AGK: variants seen among roughly 807,000 people sequenced by gnomAD.
The protein encoded by AGK is acylglycerol kinase, mitochondrial.
Under a neutral mutation model 66.4 loss-of-function variants are expected in AGK, and 52 were observed. The ratio of observed to expected loss-of-function variants is 0.78; its 90% confidence interval spans 0.63 to 0.99. AGK has a LOEUF of 0.99. Among genes scored for constraint, AGK ranks in the 50% least tolerant of loss-of-function variants. The pLI, the probability that AGK is intolerant of heterozygous loss-of-function variation, is 0.00. For synonymous variants in AGK, 182 were observed against 181.1 expected (o/e 1.00, Z -0.04); for missense variants, 451 against 506.6 (o/e 0.89, Z 1.05).
chr7:141,593,115 A>G, intron 2 of AGK, 31 bp from the exon 3 acceptor site: 1 of 1,592,470 alleles, frequency 6.3e-7, no homozygotes, highest in South Asian at 1.1e-5. Context: ...TATTAAAGCT[A>G]ATGATTATTC....
intron 5 of AGK, among the ~76,000 whole-genome samples, chr7:141,604,374 GTATATATATATATA>G (rs368893843): frequency 6.2e-5 from 7 of 113,802 alleles, no homozygotes; most frequent in South Asian, 5.9e-4. Flanking sequence ...GTGTGTGTGT[GTATATATATATATA>G]TATATATATA....
chr7:141,576,633 G>A (rs114164432), intron 2 of AGK, among the ~76,000 whole-genome samples: 2,276 of 150,216 alleles, frequency 0.015, 58 homozygotes, highest in African/African-American at 0.053. Flanking sequence ...ACAAGGGGGC[G>A]AAGAGTACCA....
At chr7:141,640,768 T>C (rs1203077961) in intron 11 of AGK, among the ~76,000 whole-genome samples, 1 of 152,110 alleles carries the variant, frequency 6.6e-6, no homozygotes, top group Non-Finnish European at 1.5e-5. Context: ...AATTAGAGTG[T>C]GAGGGTGATG....
At position 141,654,078 on chromosome 7, in the gene AGK, G is replaced by A. The variant is rs1040292531; in HGVS notation, c.*1154G>A. 1.2e-4 allele frequency: 18 copies of A among 151,808 alleles called. No individual in the cohort carries two copies. The highest frequency in any genetic ancestry group is 5.8e-4 in the East Asian group (3 of 5,162). 9.4% of individuals were successfully genotyped at this position (151,808 alleles called of 1,614,324 possible). A position where few individuals can be genotyped will look rare whatever the true frequency, so the allele number is the denominator to read the frequency against. ...TATCATAATGTAATCTATTATGCCCGACATCTTTTAATCATTCACCCCATT... is the reference window on the plus strand; with the variant it reads ...TATCATAATGTAATCTATTATGCCCAACATCTTTTAATCATTCACCCCATT... On this transcript the variant is annotated 3_prime_UTR_variant, in exon 16 of 16. Transcript: ENST00000649286.
intron 2 of AGK, among the ~76,000 whole-genome samples, chr7:141,572,805 G>T (rs559726260): frequency 1.4e-5 from 2 of 141,852 alleles, no homozygotes; most frequent in Non-Finnish European, 3.1e-5. Flanking sequence ...ACAGGCTATG[G>T]GGGGGGGAAA....
At chr7:141,636,881 T>C (rs1005904508) in intron 10 of AGK, 79 bp from the exon 11 acceptor site, 3 of 1,175,644 alleles carry the variant, frequency 2.6e-6, no homozygotes, top group South Asian at 2.6e-5. Flanking sequence ...TTCTAATGTA[T>C]TGTCTGCCAT....
chr7:141,617,090 T>C (rs1796722612), intron 8 of AGK, among the ~76,000 whole-genome samples: 1 of 152,172 alleles, frequency 6.6e-6, no homozygotes, highest in African/African-American at 2.4e-5. Flanking sequence ...AGTTAATTGC[T>C]CACATTTTTG....
At chr7:141,579,735 G>A (rs1795842807) in intron 2 of AGK, among the ~76,000 whole-genome samples, 1 of 151,970 alleles carries the variant, frequency 6.6e-6, no homozygotes, top group South Asian at 2.1e-4. Flanking sequence ...TAAGAGACGG[G>A]CTAGCGGCTT....
intron 14 of AGK, among the ~76,000 whole-genome samples, chr7:141,650,288 G>C (rs146250210): frequency 6.6e-6 from 1 of 152,196 alleles, no homozygotes; most frequent in Non-Finnish European, 1.5e-5. Flanking sequence ...TCCTTCTACA[G>C]AATGTCCAGA....
rs1187768719 is a variant in AGK at position 141,654,197 on chromosome 7, G to GTAAT, written c.*1280_*1283dup. On this transcript the variant is annotated 3_prime_UTR_variant, in exon 16 of 16. Coordinates refer to ENST00000649286, the MANE Select transcript of AGK (RefSeq NM_018238.4). ...ATCTCAGTCCAGAACCAATATTATC[G>GTAAT]TAATTAATTATTGGTATATAATGAA... The GTAAT allele has an allele frequency of 6.6e-6, 1 of 151,842 alleles. No homozygotes were observed. Among genetic ancestry groups the GTAAT allele is most frequent in the African/African-American group, 2.4e-5 (1 of 41,274 alleles). The allele number at this position is 151,842 out of a possible 1,614,324, so 9.4% of individuals were successfully genotyped here.
At chr7:141,556,370 T>C (rs1455893158) in intron 2 of AGK, among the ~76,000 whole-genome samples, 1 of 151,708 alleles carries the variant, frequency 6.6e-6, no homozygotes, top group Admixed American at 6.6e-5. Context: ...GTGAAACCCA[T>C]CACTACTAAA....
In AGK at chr7:141,611,252, A is replaced by G. The variant is rs180770509; in HGVS notation, c.355A>G (p.Ile119Val). Residue 119 changes from isoleucine to valine, a missense_variant, in exon 6 of 16, where the codon ATC (isoleucine) becomes GTC (valine). Ile to Val is a conservative substitution (Grantham distance 29, BLOSUM62 3). Coordinates refer to ENST00000649286, the MANE Select transcript of AGK (RefSeq NM_018238.4). Reference sequence around the variant, plus strand: ...GGAACTGATGGAAAACACGGATGTGATCATTGTTGCAGGAGGAGATGGGAC... The same window carrying G: ...GGAACTGATGGAAAACACGGATGTGGTCATTGTTGCAGGAGGAGATGGGAC... ...LLELMENTDV[I>V]IVAGGDGTLQ... The G allele has an allele frequency of 1.8e-5, 29 of 1,613,570 alleles. No individual in the cohort carries two copies. The East Asian group carries it at 5.1e-4, about 29-fold the overall frequency.
chr7:141,591,082 G>GTTTTTTTTTTTTTTTTTTTTTT (rs60762855), intron 2 of AGK, among the ~76,000 whole-genome samples: 1 of 61,040 alleles, frequency 1.6e-5, no homozygotes. Flanking sequence ...TTCTTAAGTT[G>GTTTTTTTTTTTTTTTTTTTTTT]TTTTTTTTTT....
chr7:141,609,007 A>G (rs1005399246), intron 5 of AGK, among the ~76,000 whole-genome samples: 2 of 152,218 alleles, frequency 1.3e-5, no homozygotes, highest in African/African-American at 4.8e-5. Flanking sequence ...TTTTTTTAAA[A>G]GTCAAATATT....
At chr7:141,614,676 G>A (rs1349292358) in intron 7 of AGK, among the ~76,000 whole-genome samples, 3 of 152,106 alleles carry the variant, frequency 2.0e-5, no homozygotes, top group African/African-American at 4.8e-5. Flanking sequence ...GAATAATAAT[G>A]TGGATGAAAA....
intron 2 of AGK, among the ~76,000 whole-genome samples, chr7:141,591,671 A>G (rs1469466604): frequency 6.6e-6 from 1 of 152,244 alleles, no homozygotes; most frequent in Non-Finnish European, 1.5e-5. Context: ...AAAAAAGTCT[A>G]GAAAGAGAAT....
intron 7 of AGK, 95 bp downstream of exon 7, chr7:141,614,273 T>C: frequency 1.1e-6 from 1 of 902,068 alleles, no homozygotes; most frequent in Non-Finnish European, 1.6e-6. Flanking sequence ...TTGTATATTT[T>C]AAAACGGGTA....
chr7:141,576,332 A>C (rs961514615), intron 2 of AGK, among the ~76,000 whole-genome samples: 2 of 152,068 alleles, frequency 1.3e-5, no homozygotes, highest in Non-Finnish European at 2.9e-5. Context: ...TGATGCAGGT[A>C]GCCCCTACTG....
chr7:141,594,380 A>G (rs910673392), intron 3 of AGK, among the ~76,000 whole-genome samples: 3 of 151,932 alleles, frequency 2.0e-5, no homozygotes, highest in African/African-American at 7.3e-5. Context: ...TTTTTAGTAG[A>G]GATAGGGGTT....
Sources: gnomAD v4.1 joint callset for allele counts (sites outside exome capture counted in the v4.1 genomes callset) on GRCh38, gnomAD v4.1.1 for gene constraint, MANE v1.5 for transcripts, NCBI Gene and HGNC (gene_info 2026-07-23, HGNC 2026-07-21) for gene names.